IGFN1: variants seen among roughly 807,000 people sequenced by gnomAD.
IGFN1 encodes immunoglobulin-like and fibronectin type III domain-containing protein 1.
Under a neutral mutation model 289.5 loss-of-function variants are expected in IGFN1, and 253 were observed. The observed-to-expected ratio is 0.87, with a 90% CI of 0.79 to 0.97. The LOEUF is 0.97. Among genes scored for constraint, IGFN1 ranks in the 50% least tolerant of loss-of-function variants. The probability of loss-of-function intolerance (pLI) is 0.00; values close to 1 mark genes in which losing one functional copy is unlikely to be tolerated. For synonymous variants in IGFN1, 1,706 were observed against 1,788.5 expected (o/e 0.95, Z 1.16); for missense variants, 4,470 against 4,686.1 (o/e 0.95, Z 1.35).
Position 201,209,381 on chromosome 1 carries a change from G to C in IGFN1, c.4488G>C (p.Arg1496Ser), listed in dbSNP as rs115334880. The C allele has an allele frequency of 6.2e-4, 934 of 1,513,952 alleles. 8 individuals carry two copies. In the African/African-American group the frequency reaches 0.012, roughly 19 times the overall value. The allele number at this position is 1,513,952 out of a possible 1,614,324, so 93.8% of individuals were successfully genotyped here. A position where few individuals can be genotyped will look rare whatever the true frequency, so the allele number is the denominator to read the frequency against. ...TGGGGTTAATTGAGGCAGGCTATAGGAAAGATTTGGGGGTTTCTGAGGGAG... is the reference window on the plus strand; with the variant it reads ...TGGGGTTAATTGAGGCAGGCTATAGCAAAGATTTGGGGGTTTCTGAGGGAG... ...GEMGLIEAGY[R>S]KDLGVSEGGG... The change falls in exon 12 of 24, where the codon AGG becomes AGC. Residue 1496 changes from arginine (R) to serine (S), a missense_variant. Transcript: ENST00000335211.
rs1243085788 is a variant in IGFN1 at position 201,210,525 on chromosome 1, A to G, written c.5632A>G (p.Ser1878Gly). The change falls in exon 12 of 24, where the codon AGT (serine) becomes GGT (glycine). Residue 1878 changes from serine to glycine, a missense_variant. Around this residue, in one of 8 missense-constraint regions of IGFN1, gnomAD observed 33 missense variants for 259.7 expected, o/e 0.13. Coordinates refer to ENST00000335211, the MANE Select transcript of IGFN1 (RefSeq NM_001164586.2). Reference sequence around the variant, plus strand: ...GGCAGATTTTAGGGATGCTTTAGGGAGTTCTGGGGAAATGGGGTCAATGGA... The same window carrying G: ...GGCAGATTTTAGGGATGCTTTAGGGGGTTCTGGGGAAATGGGGTCAATGGA... ...SKADFRDALGSSGEMGSMDEA... is the reference protein window; with the variant it reads ...SKADFRDALGGSGEMGSMDEA... 1.2e-5 allele frequency: 17 copies of G among 1,364,146 alleles called. No individual in the cohort carries two copies. Among genetic ancestry groups the G allele is most frequent in the East Asian group, 8.4e-5 (3 of 35,734 alleles). The allele number at this position is 1,364,146 out of a possible 1,614,324, so 84.5% of individuals were successfully genotyped here.
chr1:201,200,397 G>T lies in IGFN1; in HGVS notation c.619G>T (p.Asp207Tyr). ...RLQEMKKEQE[D>Y]KMAQYINTIS... ...GCAGGAGATGAAGAAGGAACAGGAG[G>T]ACAAGATGGCACAGGTGCCTCACCC... The change falls in exon 8 of 24, where the codon GAC becomes TAC. Residue 207 changes from aspartate (D) to tyrosine (Y), a missense_variant. This residue lies in a region of IGFN1 where 2,011 missense variants were observed against 1,953.4 expected (regional missense o/e 1.03). Transcript: ENST00000335211. 1 of 1,551,644 alleles carries T rather than the reference G, an allele frequency of 6.4e-7. No individual in the cohort carries two copies. The highest frequency in any genetic ancestry group is 1.2e-5 in the South Asian group (1 of 84,048).
In IGFN1 at chr1:201,206,950, C is replaced by A; in HGVS notation, c.2057C>A (p.Ser686Tyr). 2.0e-6 allele frequency: 3 copies of A among 1,536,170 alleles called. No homozygotes were observed. The highest frequency in any genetic ancestry group is 2.6e-6 in the Non-Finnish European group (3 of 1,146,434). The change falls in exon 12 of 24, where the codon TCC becomes TAC. Residue 686 changes from serine to tyrosine, a missense_variant. Physicochemically the swap from Ser to Tyr is moderately radical, Grantham distance 144. This residue lies in a region of IGFN1 where 2,011 missense variants were observed against 1,953.4 expected (regional missense o/e 1.03). Coordinates refer to ENST00000335211, the MANE Select transcript of IGFN1 (RefSeq NM_001164586.2). ...CTTACTGGAGGAAGAGGTTCTGGCTCCAAGGTGGGCATGGCCCCTGAATCC... is the reference window on the plus strand; with the variant it reads ...CTTACTGGAGGAAGAGGTTCTGGCTACAAGGTGGGCATGGCCCCTGAATCC... ...LELTGGRGSG[S>Y]KVGMAPESWG...
rs374918399 is a variant in IGFN1, at chr1:201,208,265, T to C, written c.3372T>C (p.Tyr1124=). The change falls in exon 12 of 24, where the codon TAT becomes TAC. Residue 1124 remains tyrosine (Y), a synonymous_variant. Transcript: ENST00000335211. ...RIRPWGQTGN[Y]GGFRASEALG... ...GGCCTTGGGGTCAGACTGGAAATTA[T>C]GGGGGCTTCAGAGCCTCAGAGGCCC... 14 of 1,535,712 alleles carry C rather than the reference T, an allele frequency of 9.1e-6. No individual in the cohort carries two copies. In the East Asian group the frequency reaches 9.8e-5, roughly 11 times the overall value.
chr1:201,202,434 C>A (rs1261026444), intron 9 of IGFN1, among the ~76,000 whole-genome samples: 2 of 152,152 alleles, frequency 1.3e-5, no homozygotes, highest in Non-Finnish European at 2.9e-5. Context: ...CCCCTCACCT[C>A]TCTGCTTATT....
Position 201,205,089 on chromosome 1 carries a change from C to A in IGFN1, c.924C>A (p.Pro308=). 5.8e-6 allele frequency: 9 copies of A among 1,545,316 alleles called. No homozygotes were observed. The highest frequency in any genetic ancestry group is 7.9e-6 in the Non-Finnish European group (9 of 1,142,886). ...TTCCTATTTCCCCGGCAGCCATCCC[C>A]CCAAGAGTGGTGGTCCCACTGGCGG... is the stretch of plus-strand genomic sequence containing the variant. ...FSTELEASAI[P]PRVVVPLAET... Residue 308 remains proline (P), a synonymous_variant, in exon 11 of 24, where the codon CCC becomes CCA. Coordinates refer to ENST00000335211, the MANE Select transcript of IGFN1 (RefSeq NM_001164586.2).
chr1:201,195,756 C>T lies in IGFN1; in HGVS notation c.128-83C>T, dbSNP rs138895577. 3.4e-4 allele frequency: 462 copies of T among 1,376,092 alleles called. 1 individual carries two copies. The African/African-American group carries it at 4.9e-3, about 15-fold the overall frequency. 85.2% of individuals were successfully genotyped at this position (1,376,092 alleles called of 1,614,324 possible). A position where few individuals can be genotyped will look rare whatever the true frequency, so the allele number is the denominator to read the frequency against. On this transcript the variant is annotated intron_variant, in intron 3 of 23. Transcript: ENST00000335211. ...AGTTGAAATACCTAGATGAGGAAGA[C>T]GATATAAATTAAAATTTAAATAAAG...
At position 201,206,343 on chromosome 1, in the gene IGFN1, G is replaced by A; in HGVS notation, c.1450G>A (p.Gly484Ser). The change falls in exon 12 of 24, where the codon GGC becomes AGC. Residue 484 changes from glycine (G) to serine (S), a missense_variant. Physicochemically the swap from Gly to Ser is moderately conservative, Grantham distance 56. This residue lies in a region of IGFN1 where 2,011 missense variants were observed against 1,953.4 expected (regional missense o/e 1.03). Transcript: ENST00000335211. ...CAAAGGGACAGCTGACTCAGCCTGG[G>A]GCCCTGGACAGGAGGGCGAGGGCTT... ...GDKGTADSAWGPGQEGEGFPV... is the reference protein window; with the variant it reads ...GDKGTADSAWSPGQEGEGFPV... 1 of 1,550,468 alleles carries A rather than the reference G, an allele frequency of 6.4e-7. No homozygotes were observed. The highest frequency in any genetic ancestry group is 8.7e-7 in the Non-Finnish European group (1 of 1,146,984).
At chr1:201,198,234 C>T (rs1666996165) in intron 5 of IGFN1, among the ~76,000 whole-genome samples, 2 of 152,208 alleles carry the variant, frequency 1.3e-5, no homozygotes, top group Non-Finnish European at 2.9e-5. Flanking sequence ...CTCCCGGGTT[C>T]AAGCAATTCT....
rs566694329 is a variant in IGFN1 at position 201,194,049 on chromosome 1, G to A, written c.8-105G>A. 200 of 1,314,778 alleles carry A rather than the reference G, an allele frequency of 1.5e-4. 3 individuals carry two copies. In the South Asian group the frequency reaches 2.8e-3, roughly 18 times the overall value. 81.4% of individuals were successfully genotyped at this position (1,314,778 alleles called of 1,614,324 possible). A position where few individuals can be genotyped will look rare whatever the true frequency, so the allele number is the denominator to read the frequency against. The stretch of plus-strand genomic sequence containing the variant: ...TGACCCAAAAGTAGGAGCGAGAAGG[G>A]GCTTCTTGCTCCTGGGGTGAGTGGG... On this transcript the variant is annotated intron_variant, in intron 2 of 23. Transcript: ENST00000335211.
Position 201,206,625 on chromosome 1 carries a change from A to C in IGFN1, c.1732A>C (p.Lys578Gln). Residue 578 changes from lysine (K) to glutamine (Q), a missense_variant, in exon 12 of 24, where the codon AAG (lysine) becomes CAG (glutamine). By Grantham distance (53) the Lys-to-Gln change is moderately conservative. Coordinates refer to ENST00000335211, the MANE Select transcript of IGFN1 (RefSeq NM_001164586.2). Reference protein sequence around the residue: ...AGGLGSSREGKEHRGDSGRQL... With the variant: ...AGGLGSSREGQEHRGDSGRQL... Reference sequence around the variant, plus strand: ...AGGACTGGGGAGCAGCAGGGAAGGAAAGGAGCACAGAGGGGACAGTGGAAG... The same window carrying C: ...AGGACTGGGGAGCAGCAGGGAAGGACAGGAGCACAGAGGGGACAGTGGAAG... 1 of 1,541,810 alleles carries C rather than the reference A, an allele frequency of 6.5e-7. No individual in the cohort carries two copies.
chr1:201,205,737 G>T (rs573995086), intron 11 of IGFN1, among the ~76,000 whole-genome samples: 1 of 152,228 alleles, frequency 6.6e-6, no homozygotes, highest in African/African-American at 2.4e-5. Context: ...AGTAAGGCAG[G>T]TGGTTGAGCA....
intron 18 of IGFN1, among the ~76,000 whole-genome samples, chr1:201,219,955 C>A (rs1235180186): frequency 1.3e-5 from 2 of 149,034 alleles, no homozygotes; most frequent in Non-Finnish European, 3.0e-5. Flanking sequence ...TTCTTTCTCT[C>A]TCTCCTTCTC....
intron 18 of IGFN1, among the ~76,000 whole-genome samples, chr1:201,221,104 G>A (rs576124718): frequency 3.9e-5 from 6 of 152,236 alleles, no homozygotes; most frequent in Admixed American, 3.9e-4. Context: ...TAGTCATACG[G>A]GATAATGGAA....
Position 201,205,292 on chromosome 1 carries a change from A to G in IGFN1, c.1127A>G (p.Asp376Gly), listed in dbSNP as rs1474161093. 6.5e-7 allele frequency: 1 copy of G among 1,550,196 alleles called. No individual in the cohort carries two copies. Among genetic ancestry groups the G allele is most frequent in the Non-Finnish European group, 8.7e-7 (1 of 1,146,612 alleles). Reference sequence around the variant, plus strand: ...GTGGTGAGGGGGGCACGTTTCTCAGACATGGGCCCCTATTCGCTGGGCACC... The same window carrying G: ...GTGGTGAGGGGGGCACGTTTCTCAGGCATGGGCCCCTATTCGCTGGGCACC... ...RLVVRGARFSDMGPYSLGTGL... is the reference protein window; with the variant it reads ...RLVVRGARFSGMGPYSLGTGL... Residue 376 changes from aspartate (D) to glycine (G), a missense_variant, in exon 11 of 24, where the codon GAC (aspartate) becomes GGC (glycine). By Grantham distance (94) the Asp-to-Gly change is moderately conservative (BLOSUM62 -1). Transcript: ENST00000335211.
chr1:201,208,692 G>A lies in IGFN1; in HGVS notation c.3799G>A (p.Gly1267Arg), dbSNP rs926270206. Reference sequence around the variant, plus strand: ...CCTCCAAGGAATGGGATCAGCAGATGGGCCAGGTTGTAGGAAGGGTATTGG... The same window carrying A: ...CCTCCAAGGAATGGGATCAGCAGATAGGCCAGGTTGTAGGAAGGGTATTGG... Reference protein sequence around the residue: ...GGLQGMGSADGPGCRKGIGSS... With the variant: ...GGLQGMGSADRPGCRKGIGSS... The change falls in exon 12 of 24, where the codon GGG (glycine) becomes AGG (arginine). Residue 1267 changes from glycine to arginine, a missense_variant. Gly to Arg is a moderately radical substitution (Grantham distance 125). Around this residue, in one of 8 missense-constraint regions of IGFN1, gnomAD observed 2,011 missense variants for 1,953.4 expected, o/e 1.03. Coordinates refer to ENST00000335211, the MANE Select transcript of IGFN1 (RefSeq NM_001164586.2). The A allele has an allele frequency of 5.2e-6, 8 of 1,537,022 alleles. No homozygotes were observed. The South Asian group carries it at 5.9e-5, about 11-fold the overall frequency.
rs774821343 is a variant in IGFN1, at chr1:201,207,458, G to T, written c.2565G>T (p.Gly855=). Residue 855 remains glycine (G), a synonymous_variant, in exon 12 of 24, where the codon GGG becomes GGT. Transcript: ENST00000335211. ...SSLRKTGAHH[G]PGVLGPSGGQ... Reference sequence around the variant, plus strand: ...TCAGAAAAACTGGGGCCCACCATGGGCCTGGAGTGCTGGGGCCCAGTGGAG... The same window carrying T: ...TCAGAAAAACTGGGGCCCACCATGGTCCTGGAGTGCTGGGGCCCAGTGGAG... 6.5e-7 allele frequency: 1 copy of T among 1,530,812 alleles called. No homozygotes were observed. Among genetic ancestry groups the T allele is most frequent in the South Asian group, 1.2e-5 (1 of 83,256 alleles). The allele number at this position is 1,530,812 out of a possible 1,614,324, so 94.8% of individuals were successfully genotyped here.
At chr1:201,196,263 G>C (rs1347072807) in intron 4 of IGFN1, among the ~76,000 whole-genome samples, 2 of 152,162 alleles carry the variant, frequency 1.3e-5, no homozygotes, top group African/African-American at 4.8e-5. Flanking sequence ...CCACCACCTT[G>C]GCTTTAGAAA....
At chr1:201,200,505 C>T (rs188938759) in intron 8 of IGFN1, 94 bp downstream of exon 8, 4 of 981,096 alleles carry the variant, frequency 4.1e-6, no homozygotes, top group Non-Finnish European at 3.1e-6. Flanking sequence ...GGAGGCAGAA[C>T]TTAGGAAACC....
Sources: allele counts gnomAD v4.1 joint callset (sites outside exome capture counted in the v4.1 genomes callset), GRCh38; gene constraint gnomAD v4.1.1; regional missense constraint gnomAD v4.1.1; transcripts MANE v1.5; gene names NCBI Gene and HGNC (gene_info 2026-07-23, HGNC 2026-07-21).